The following TMPRSS15 variants were observed in gnomAD, a reference collection of about 807,000 sequenced individuals.
TMPRSS15 encodes transmembrane serine protease 15, also known as enteropeptidase.
Under a neutral mutation model 125.3 loss-of-function variants are expected in TMPRSS15, and 128 were observed. The ratio of observed to expected loss-of-function variants is 1.02; its 90% CI spans 0.89 to 1.18. TMPRSS15 has a LOEUF of 1.18. Among genes scored for constraint, TMPRSS15 ranks in the 50% most tolerant of loss-of-function variants. The probability of loss-of-function intolerance (pLI) is 0.00; values close to 1 mark genes in which losing one functional copy is unlikely to be tolerated. For synonymous variants in TMPRSS15, 446 were observed against 423.2 expected, an observed-to-expected ratio of 1.05 and a Z score of -0.66; for missense variants, 1,283 against 1,212.7, an observed-to-expected ratio of 1.06 and a Z score of -0.86.
rs2075662234 is a variant in TMPRSS15, at chr21:18,359,805, C to T, written c.832G>A (p.Asp278Asn). ...ACACCTTCATAAATATCTAATATAT[C>T]TGTATAATATGTATTAAAATCATCG... ...SFDDFNTYYT[D>N]ILDIYEGVGS... Residue 278 changes from aspartate to asparagine, a missense_variant, in exon 8 of 25, where the codon GAT becomes AAT. Physicochemically the swap from Asp to Asn is conservative, Grantham distance 23. Transcript: ENST00000284885. 2.0e-6 allele frequency: 3 copies of T among 1,524,254 alleles called. No individual in the cohort carries two copies. In the East Asian group the frequency reaches 6.8e-5, roughly 35 times the overall value. 94.4% of individuals were successfully genotyped at this position (1,524,254 alleles called of 1,614,324 possible).
In TMPRSS15 at chr21:18,326,432, C is replaced by T. The variant is rs2273204; in HGVS notation, c.1921G>A (p.Glu641Lys). Residue 641 changes from glutamate to lysine, a missense_variant and splice_region_variant, in exon 16 of 25, where the codon GAG becomes AAG. Coordinates refer to ENST00000284885, the MANE Select transcript of TMPRSS15 (RefSeq NM_002772.3). ...CAATGTGTGATTTATGGGCTCCTAC[C>T]TGGAATCCCCAAGTGATAGCCAGTA... ...FTTGYHLGIP[E>K]PCKADHFQCK... 696 of 1,614,122 alleles carry T rather than the reference C, an allele frequency of 4.3e-4. 6 individuals are homozygous for T. The East Asian group carries it at 0.014, about 33-fold the overall frequency.
At chr21:18,440,359 C>T (rs2076238411) in intron 1 of TMPRSS15, among the ~76,000 whole-genome samples, 1 of 57,064 alleles carries the variant, frequency 1.8e-5, no homozygotes, top group South Asian at 4.9e-4. Context: ...GGCGACAGAG[C>T]GAAACTCCGT....
chr21:18,359,921 T>C, intron 7 of TMPRSS15, 58 bp from the exon 8 acceptor site: 2 of 798,794 alleles, frequency 2.5e-6, no homozygotes, highest in South Asian at 1.4e-5. Flanking sequence ...TATTTCTTAA[T>C]GCATTCTAGA....
At chr21:18,292,705 AAC>A (rs1220082792) in intron 21 of TMPRSS15, among the ~76,000 whole-genome samples, 1 of 152,194 alleles carries the variant, frequency 6.6e-6, no homozygotes, top group Non-Finnish European at 1.5e-5. Flanking sequence ...TGCAACAGAA[AAC>A]ACTGACTTTT....
At chr21:18,413,486 C>T (rs1265451872) in intron 1 of TMPRSS15, among the ~76,000 whole-genome samples, 1 of 149,506 alleles carries the variant, frequency 6.7e-6, no homozygotes, top group Non-Finnish European at 1.5e-5. Context: ...GGCTTGGTCT[C>T]GGGTCACTGC....
At chr21:18,274,463 T>G (rs2074596808) in intron 24 of TMPRSS15, among the ~76,000 whole-genome samples, 1 of 152,178 alleles carries the variant, frequency 6.6e-6, no homozygotes, top group Non-Finnish European at 1.5e-5. Context: ...TACTCTTAGG[T>G]GGCAAGATAT....
chr21:18,342,223 A>G (rs968879450), intron 12 of TMPRSS15, among the ~76,000 whole-genome samples: 4 of 152,234 alleles, frequency 2.6e-5, no homozygotes, highest in African/African-American at 9.6e-5. Flanking sequence ...TGTGCTATGT[A>G]GAAGAGGAAA....
chr21:18,300,116 TC>T (rs371409109), intron 18 of TMPRSS15, among the ~76,000 whole-genome samples: 119,297 of 151,716 alleles, frequency 0.79, 47,056 homozygotes, highest in African/African-American at 0.83. Flanking sequence ...TATCTATAGC[TC>T]GTCTCTTGGA....
chr21:18,379,355 T>C (rs1449052119), intron 4 of TMPRSS15, 37 bp from the exon 5 acceptor site: 2 of 984,322 alleles, frequency 2.0e-6, no homozygotes, highest in Non-Finnish European at 2.8e-6. Flanking sequence ...TTATTACCTA[T>C]TTTAAACTAA....
intron 21 of TMPRSS15, among the ~76,000 whole-genome samples, chr21:18,289,666 C>T (rs1307667326): frequency 1.3e-5 from 2 of 152,204 alleles, no homozygotes; most frequent in Admixed American, 1.3e-4. Context: ...TGTCTCTGGT[C>T]TGCTCTGAAA....
chr21:18,436,145 G>C lies in TMPRSS15; in HGVS notation c.11-37816C>G, dbSNP rs571749604. Among the ~76,000 whole-genome samples the C allele has an allele frequency of 6.2e-4, 94 of 151,366 alleles. 1 individual carries two copies. Among genetic ancestry groups the C allele is most frequent in the African/African-American group, 2.1e-3 (87 of 41,184 alleles). On this transcript the variant is annotated intron_variant, in intron 1 of 7. Transcript: ENST00000422787. ...TCTCTATTTCCTTTAGTTCTGCTCT[G>C]ATTTTAGTTATTTCTTGCCTTCTGC... is the stretch of plus-strand genomic sequence containing the variant.
chr21:18,476,907 T>A (rs935927587), intron 1 of TMPRSS15, among the ~76,000 whole-genome samples: 1 of 148,244 alleles, frequency 6.7e-6, no homozygotes, highest in Non-Finnish European at 1.5e-5. Context: ...CTCTCTCTCT[T>A]TTTTTTTTTA....
At chr21:18,386,635 C>T (rs984637643) in intron 3 of TMPRSS15, among the ~76,000 whole-genome samples, 23 of 152,202 alleles carry the variant, frequency 1.5e-4, no homozygotes, top group Admixed American at 5.9e-4. Context: ...TCTTCCTAAT[C>T]AACCTCACTT....
At chr21:18,300,271 C>G (rs150730834) in intron 18 of TMPRSS15, among the ~76,000 whole-genome samples, 4,607 of 141,880 alleles carry the variant, frequency 0.032, 225 homozygotes, top group African/African-American at 0.11. Context: ...CTTTCTTTCT[C>G]TCTTCTTTCT....
chr21:18,322,254 C>A (rs1260042322), intron 16 of TMPRSS15, among the ~76,000 whole-genome samples: 1 of 152,102 alleles, frequency 6.6e-6, no homozygotes, highest in Admixed American at 6.6e-5. Context: ...ATTTATACAC[C>A]TTTGGTAGAA....
chr21:18,412,353 C>T (rs2076168118), intron 1 of TMPRSS15, among the ~76,000 whole-genome samples: 1 of 152,182 alleles, frequency 6.6e-6, no homozygotes, highest in African/African-American at 2.4e-5. Flanking sequence ...TCCACATCCG[C>T]TTGCTAAGTT....
intron 1 of TMPRSS15, among the ~76,000 whole-genome samples, chr21:18,466,753 G>T (rs1236832963): frequency 6.6e-6 from 1 of 152,062 alleles, no homozygotes; most frequent in Admixed American, 6.6e-5. Flanking sequence ...TTAAAGTCAG[G>T]AAACAACAGA....
intron 18 of TMPRSS15, among the ~76,000 whole-genome samples, 190 bp from the exon 19 acceptor site, chr21:18,298,019 C>G (rs1207529187): frequency 6.6e-6 from 1 of 152,160 alleles, no homozygotes; most frequent in East Asian, 1.9e-4. Context: ...AGTAGAATTA[C>G]CCATAATCCC....
rs917576073 is a variant in TMPRSS15, at chr21:18,353,800, A to G, written c.944T>C (p.Phe315Ser). 1 of 1,611,830 alleles carries G rather than the reference A, an allele frequency of 6.2e-7. No homozygotes were observed. The highest frequency in any genetic ancestry group is 1.3e-5 in the African/African-American group (1 of 74,828). Reference protein sequence around the residue: ...RIFSNQVTATFLIESDESDYV... With the variant: ...RIFSNQVTATSLIESDESDYV... ...ATCACTTTCATCAGATTCTATAAGA[A>G]AGGTGGCAGTAACTTGGTTGGAAAA... The change falls in exon 9 of 25, where the codon TTT becomes TCT. Residue 315 changes from phenylalanine to serine, a missense_variant. Physicochemically the swap from Phe to Ser is radical, Grantham distance 155 (BLOSUM62 -2). Coordinates refer to ENST00000284885, the MANE Select transcript of TMPRSS15 (RefSeq NM_002772.3).
Sources: allele counts gnomAD v4.1 joint callset (sites outside exome capture counted in the v4.1 genomes callset), GRCh38; gene constraint gnomAD v4.1.1; transcripts MANE v1.5; gene names NCBI Gene and HGNC (gene_info 2026-07-23, HGNC 2026-07-21).